Variants in SMPD3 observed in about 807,000 individuals in gnomAD.
The protein encoded by SMPD3 is sphingomyelin phosphodiesterase 3.
SMPD3 carries 21 observed loss-of-function variants against 55.7 expected under a neutral mutation model. That is an observed-to-expected ratio of 0.38 (90% CI 0.27 to 0.54). The LOEUF is 0.54. Ranked by LOEUF, SMPD3 falls within the 20% of genes least tolerant of loss-of-function variation. The pLI is 0.80. For synonymous variants in SMPD3, 457 were observed against 404.3 expected (o/e 1.13, Z -1.56); for missense variants, 842 against 899.6 (o/e 0.94, Z 0.82).
At chr16:68,374,318 G>A (rs542594423) in intron 2 of SMPD3, among the ~76,000 whole-genome samples, 1 of 152,372 alleles carries the variant, frequency 6.6e-6, no homozygotes, top group African/African-American at 2.4e-5. Flanking sequence ...AGCGTCTAAA[G>A]GTGAACTTGA....
chr16:68,361,501 G>A (rs1033940865), intron 8 of SMPD3, 102 bp downstream of exon 8: 12 of 1,505,120 alleles, frequency 8.0e-6, no homozygotes, highest in Admixed American at 1.8e-5. Flanking sequence ...TTGTAAGAGT[G>A]GCCTGGGGCG....
At chr16:68,418,825 G>A (rs2090361149) in intron 1 of SMPD3, among the ~76,000 whole-genome samples, 1 of 152,232 alleles carries the variant, frequency 6.6e-6, no homozygotes, top group Non-Finnish European at 1.5e-5. Context: ...ATAGTCTTGA[G>A]CTTGTCTAAA....
chr16:68,402,230 G>A (rs1366352008), intron 1 of SMPD3, among the ~76,000 whole-genome samples: 1 of 152,106 alleles, frequency 6.6e-6, no homozygotes, highest in Non-Finnish European at 1.5e-5. Flanking sequence ...GAGTGATACA[G>A]CACCTCACCT....
chr16:68,386,483 T>C (rs1405983998), intron 2 of SMPD3, 115 bp downstream of exon 2: 1 of 152,112 alleles, frequency 6.6e-6, no homozygotes, highest in Admixed American at 6.5e-5. Context: ...CTTTTCCTAA[T>C]CTCACACAGC....
At chr16:68,438,562 C>T (rs1597670614) in intron 1 of SMPD3, among the ~76,000 whole-genome samples, 1 of 152,284 alleles carries the variant, frequency 6.6e-6, no homozygotes. Context: ...GTTAGTCTGA[C>T]ATTCAAGGCT....
At chr16:68,396,161 C>A (rs2090155546) in intron 1 of SMPD3, among the ~76,000 whole-genome samples, 1 of 152,236 alleles carries the variant, frequency 6.6e-6, no homozygotes, top group African/African-American at 2.4e-5. Context: ...GTCACCGCCA[C>A]CAGGGCCTCC....
rs74563964 is a variant in SMPD3, at chr16:68,434,320, A to G, written c.-269+14033T>C. ...TTCTAACGGTAACAAATTTTGCCTCATGTATTTCGATGCTAAAGTACTGAG... is the reference window on the plus strand; with the variant it reads ...TTCTAACGGTAACAAATTTTGCCTCGTGTATTTCGATGCTAAAGTACTGAG... On this transcript the variant is annotated intron_variant, in intron 1 of 8. Coordinates refer to ENST00000219334, the MANE Select transcript of SMPD3 (RefSeq NM_018667.4). 9.6e-3 allele frequency among the ~76,000 whole-genome samples: 1,458 copies of G among 152,348 alleles called. 17 individuals are homozygous for G. Among genetic ancestry groups the G allele is most frequent in the Non-Finnish European group, 0.017 (1,165 of 68,016 alleles).
chr16:68,397,929 A>G (rs2090173595), intron 1 of SMPD3, among the ~76,000 whole-genome samples: 1 of 152,128 alleles, frequency 6.6e-6, no homozygotes, highest in South Asian at 2.1e-4. Context: ...AGTCTTGGCC[A>G]CCTGCAGACA....
At chr16:68,410,680 C>G (rs1304698102) in intron 1 of SMPD3, among the ~76,000 whole-genome samples, 1 of 152,196 alleles carries the variant, frequency 6.6e-6, no homozygotes, top group Non-Finnish European at 1.5e-5. Flanking sequence ...GTTTCTCCAC[C>G]ATCACGGATG....
rs1286009988 is a variant in SMPD3 at position 68,358,938 on chromosome 16, G to C, written c.*2268C>G. The C allele has an allele frequency of 6.6e-6, 1 of 152,654 alleles. No individual in the cohort carries two copies. Among genetic ancestry groups the C allele is most frequent in the African/African-American group, 2.4e-5 (1 of 41,474 alleles). 9.5% of individuals were successfully genotyped at this position (152,654 alleles called of 1,614,324 possible). On this transcript the variant is annotated 3_prime_UTR_variant, in exon 9 of 9. Coordinates refer to ENST00000219334, the MANE Select transcript of SMPD3 (RefSeq NM_018667.4). ...GGGGGTCCCGGTCTTGGTGCTGAGG[G>C]AGGTGTGCGGGGGCCTGGGGGCCGC...
intron 3 of SMPD3, among the ~76,000 whole-genome samples, chr16:68,366,209 C>T (rs2089473871): frequency 6.6e-6 from 1 of 152,262 alleles, no homozygotes; most frequent in African/African-American, 2.4e-5. Flanking sequence ...GAGCTCACAG[C>T]AGCCCAAACG....
At chr16:68,362,243 A>ACCAAGCCT (rs948850057) in intron 7 of SMPD3, among the ~76,000 whole-genome samples, 2 of 152,128 alleles carry the variant, frequency 1.3e-5, no homozygotes, top group Admixed American at 6.5e-5. Context: ...TGCTTATGTT[A>ACCAAGCCT]CCAAGCCTCC....
intron 1 of SMPD3, among the ~76,000 whole-genome samples, chr16:68,388,482 G>A: frequency 6.6e-6 from 1 of 152,174 alleles, no homozygotes; most frequent in East Asian, 1.9e-4. Context: ...CCACTCCTGA[G>A]CCATTTGGGC....
intron 2 of SMPD3, among the ~76,000 whole-genome samples, chr16:68,382,872 C>T (rs565752840): frequency 5.9e-5 from 9 of 152,170 alleles, no homozygotes; most frequent in Admixed American, 2.6e-4. Context: ...GATGGAGTCT[C>T]GCTCTGTCGC....
rs1046699598 is a variant in SMPD3, at chr16:68,404,300, A to C, written c.-268-17641T>G. ...TTTTTAGTAGAGATGGGGTTTCTCC[A>C]TGTCGGTCAGGCTGGTCTCGAACTC... On this transcript the variant is annotated intron_variant, in intron 1 of 8. Coordinates refer to ENST00000219334, the MANE Select transcript of SMPD3 (RefSeq NM_018667.4). The surrounding 1 kb of genome is among the most constrained non-coding windows in gnomAD (Gnocchi z 4.0). 2.7e-5 allele frequency among the ~76,000 whole-genome samples: 4 copies of C among 150,398 alleles called. No homozygotes were observed. The highest frequency in any genetic ancestry group is 9.8e-5 in the African/African-American group (4 of 40,676).
chr16:68,415,806 T>G (rs949743892), intron 1 of SMPD3, among the ~76,000 whole-genome samples: 286 of 11,258 alleles, frequency 0.025, no homozygotes, highest in African/African-American at 0.041. Context: ...CTCTTCAGCT[T>G]TTTTTTTTTT....
At chr16:68,401,632 C>A (rs572093485) in intron 1 of SMPD3, among the ~76,000 whole-genome samples, 2 of 152,198 alleles carry the variant, frequency 1.3e-5, no homozygotes, top group East Asian at 1.9e-4. Context: ...GATCCCCACA[C>A]CAATAGCCTG....
intron 1 of SMPD3, among the ~76,000 whole-genome samples, chr16:68,402,458 C>A (rs1002210123): frequency 6.6e-6 from 1 of 152,138 alleles, no homozygotes. Context: ...CAGAGCAGGG[C>A]CCACATGAGG....
At chr16:68,417,876 G>A (rs1021053281) in intron 1 of SMPD3, among the ~76,000 whole-genome samples, 13 of 152,122 alleles carry the variant, frequency 8.5e-5, no homozygotes, top group African/African-American at 3.1e-4. Context: ...CCTGTCTGCC[G>A]GTTACCAGCT....
Sources: allele counts gnomAD v4.1 joint callset (sites outside exome capture counted in the v4.1 genomes callset), GRCh38; gene constraint gnomAD v4.1.1; non-coding constraint Gnocchi (gnomAD v3.1); transcripts MANE v1.5; gene names NCBI Gene and HGNC (gene_info 2026-07-23, HGNC 2026-07-21).